The following CPED1 variants were observed in gnomAD, a reference collection of about 807,000 sequenced individuals.
CPED1 encodes cadherin like and PC-esterase domain containing 1, also known as cadherin-like and PC-esterase domain-containing protein 1.
In CPED1, 114 loss-of-function variants were observed where a neutral mutation model predicts 128.2. The ratio of observed to expected loss-of-function variants is 0.89; its 90% CI spans 0.76 to 1.04. The LOEUF (loss-of-function observed/expected upper bound fraction) is 1.04. Ranked by LOEUF, CPED1 falls within the 50% of genes least tolerant of loss-of-function variation. The pLI is 0.00. For synonymous variants in CPED1, 462 were observed against 426.7 expected (o/e 1.08, Z -1.02); for missense variants, 1,211 against 1,207.1 (o/e 1.00, Z -0.05).
At chr7:121,066,008 G>A (rs188099295) in intron 5 of CPED1, among the ~76,000 whole-genome samples, 128 of 152,138 alleles carry the variant, frequency 8.4e-4, no homozygotes, top group Non-Finnish European at 1.6e-3. Flanking sequence ...AGCTTTTGTT[G>A]TAGACTGTTG....
At chr7:121,251,286 C>T (rs1194357007) in intron 18 of CPED1, among the ~76,000 whole-genome samples, 1 of 152,144 alleles carries the variant, frequency 6.6e-6, no homozygotes, top group Admixed American at 6.5e-5. Context: ...TAAAAACTCT[C>T]AATAAATTAG....
intron 21 of CPED1, among the ~76,000 whole-genome samples, chr7:121,270,289 T>C (rs1041187540): frequency 2.0e-5 from 3 of 152,164 alleles, no homozygotes; most frequent in African/African-American, 7.2e-5. Flanking sequence ...ATATTTGAAC[T>C]TTGTCAGATC....
In CPED1 at chr7:121,267,220, A is replaced by C. The variant is rs1335726975; in HGVS notation, c.2639A>C (p.Asn880Thr). ...QIIHKVLKRENLLNILVIIKT... is the reference protein window; with the variant it reads ...QIIHKVLKRETLLNILVIIKT... ...ATTATAATTATCTCATTCAGGGAAA[A>C]TTTACTCAATATCCTAGTGATCATC... is the stretch of plus-strand genomic sequence containing the variant. The change falls in exon 21 of 23, where the codon AAT (asparagine) becomes ACT (threonine). Residue 880 changes from asparagine to threonine, a missense_variant. By Grantham distance (65) the Asn-to-Thr change is moderately conservative. Coordinates refer to ENST00000310396, the MANE Select transcript of CPED1 (RefSeq NM_024913.5). 6.4e-7 allele frequency: 1 copy of C among 1,559,510 alleles called. No homozygotes were observed. Among genetic ancestry groups the C allele is most frequent in the Admixed American group, 1.7e-5 (1 of 57,304 alleles).
intron 22 of CPED1, among the ~76,000 whole-genome samples, chr7:121,290,018 C>T (rs1263100949): frequency 6.6e-6 from 1 of 152,134 alleles, no homozygotes; most frequent in Non-Finnish European, 1.5e-5. Flanking sequence ...CATATGTTCT[C>T]ATCGTTCAAC....
chr7:121,213,429 A>G (rs1209297988), intron 16 of CPED1, among the ~76,000 whole-genome samples: 1 of 152,058 alleles, frequency 6.6e-6, no homozygotes, highest in African/African-American at 2.4e-5. Flanking sequence ...CAAGTTCTCT[A>G]TAAATGGCAT....
intron 3 of CPED1, among the ~76,000 whole-genome samples, chr7:121,022,068 T>G (rs1006101004): frequency 1.3e-5 from 2 of 151,710 alleles, no homozygotes; most frequent in African/African-American, 4.8e-5. Flanking sequence ...AAAAAAAATC[T>G]GTAAGCTTCC....
At position 121,064,192 on chromosome 7, in the gene CPED1, C is replaced by A. The variant is rs3735466; in HGVS notation, c.541-46C>A. ...TTGTGTTTGCTTGGTTTTGCTTTAG[C>A]GTTGATGAATGCCTCACTCACTAGA... On this transcript the variant is annotated intron_variant, in intron 4 of 22. Coordinates refer to ENST00000310396, the MANE Select transcript of CPED1 (RefSeq NM_024913.5). 297 of 1,320,598 alleles carry A rather than the reference C, an allele frequency of 2.2e-4. 3 individuals carry two copies. In the East Asian group the frequency reaches 5.0e-3, roughly 22 times the overall value. 81.8% of individuals were successfully genotyped at this position (1,320,598 alleles called of 1,614,324 possible).
intron 16 of CPED1, among the ~76,000 whole-genome samples, chr7:121,235,044 A>C (rs1213477783): frequency 6.6e-6 from 1 of 152,118 alleles, no homozygotes; most frequent in Non-Finnish European, 1.5e-5. Context: ...TTGCACTCCC[A>C]TTAGCAATGT....
chr7:121,265,080 C>T (rs956564049), intron 18 of CPED1, among the ~76,000 whole-genome samples: 2 of 151,980 alleles, frequency 1.3e-5, no homozygotes, highest in Non-Finnish European at 1.5e-5. Flanking sequence ...AGGCAGCATT[C>T]GTGTAGGGTC....
At chr7:120,997,937 TAAAATAAAATAA>T (rs972366780) in intron 2 of CPED1, among the ~76,000 whole-genome samples, 1 of 116,216 alleles carries the variant, frequency 8.6e-6, no homozygotes, top group African/African-American at 4.2e-5. Flanking sequence ...AAAAATAAAA[TAAAATAAAATAA>T]AATAAAATAA....
intron 3 of CPED1, among the ~76,000 whole-genome samples, chr7:121,019,640 A>G (rs1792386918): frequency 6.6e-6 from 1 of 152,078 alleles, no homozygotes; most frequent in Admixed American, 6.6e-5. Flanking sequence ...GATATTTACA[A>G]ACAGCATTTC....
At chr7:121,111,376 C>T (rs1212998621) in intron 7 of CPED1, among the ~76,000 whole-genome samples, 1 of 152,192 alleles carries the variant, frequency 6.6e-6, no homozygotes, top group Non-Finnish European at 1.5e-5. Context: ...TTTGCCCATC[C>T]TGGTGTGACA....
At chr7:121,065,131 T>C (rs986030772) in intron 5 of CPED1, among the ~76,000 whole-genome samples, 4 of 152,142 alleles carry the variant, frequency 2.6e-5, no homozygotes, top group African/African-American at 9.7e-5. Context: ...AACTTTCCCA[T>C]TGGGGTTTCT....
intron 22 of CPED1, among the ~76,000 whole-genome samples, chr7:121,274,641 A>G (rs1339739342): frequency 1.3e-5 from 2 of 152,140 alleles, no homozygotes; most frequent in African/African-American, 4.8e-5. Flanking sequence ...AAGTCGCTAA[A>G]TTCATTCATT....
At chr7:121,188,733 G>A (rs1449088690) in intron 16 of CPED1, among the ~76,000 whole-genome samples, 1 of 152,046 alleles carries the variant, frequency 6.6e-6, no homozygotes, top group South Asian at 2.1e-4. Flanking sequence ...AGCCAAGAAG[G>A]AATGGGAGTA....
rs368438758 is a variant in CPED1, at chr7:121,022,136, G to T, written c.433+6288G>T. ...ATTTATAACCACACCTTCCACATAG[G>T]GGCATATGATAAATATTTATTAAAT... On this transcript the variant is annotated intron_variant, in intron 3 of 22. Coordinates refer to ENST00000310396, the MANE Select transcript of CPED1 (RefSeq NM_024913.5). 5.9e-5 allele frequency among the ~76,000 whole-genome samples: 9 copies of T among 151,522 alleles called. No homozygotes were observed. The East Asian group carries it at 1.4e-3, about 23-fold the overall frequency.
At chr7:121,074,169 G>A (rs576044825) in intron 5 of CPED1, among the ~76,000 whole-genome samples, 1 of 152,090 alleles carries the variant, frequency 6.6e-6, no homozygotes, top group East Asian at 1.9e-4. Flanking sequence ...TGCCTTCAAA[G>A]TGTAGAGCTC....
In CPED1 at chr7:121,271,263, ATTCTTCTGC is replaced by A. The variant is rs772659483; in HGVS notation, c.2722-18_2722-10del. ...CAATCCTCTGGTAATAAAAATTCTC[ATTCTTCTGC>A]TTTCCAATCAGAGTGAAGTACAGAA... is the stretch of plus-strand genomic sequence containing the variant. On this transcript the variant is annotated splice_polypyrimidine_tract_variant and intron_variant, in intron 21 of 22. Transcript: ENST00000310396. The A allele has an allele frequency of 5.7e-6, 9 of 1,584,126 alleles. No individual in the cohort carries two copies. The African/African-American group carries it at 1.2e-4, about 21-fold the overall frequency.
chr7:121,274,950 T>C (rs558800922), intron 22 of CPED1, among the ~76,000 whole-genome samples: 21 of 152,260 alleles, frequency 1.4e-4, no homozygotes, highest in African/African-American at 5.1e-4. Flanking sequence ...GTGCTCATCT[T>C]ATGAGCCTGG....
Sources: gnomAD v4.1 joint callset for allele counts (sites outside exome capture counted in the v4.1 genomes callset) on GRCh38, gnomAD v4.1.1 for gene constraint, MANE v1.5 for transcripts, NCBI Gene and HGNC (gene_info 2026-07-23, HGNC 2026-07-21) for gene names.